CDH9: variants seen among roughly 807,000 people sequenced by gnomAD.
CDH9 encodes the protein cadherin-9.
A neutral mutation model predicts 70.9 loss-of-function variants in CDH9; 28 were observed. The observed-to-expected ratio is 0.40, with a 90% CI of 0.29 to 0.54. The LOEUF (loss-of-function observed/expected upper bound fraction) is 0.54, where lower values mean the gene tolerates loss of function less well. Ranked by LOEUF, CDH9 falls within the 20% of genes least tolerant of loss-of-function variation. CDH9 has a pLI of 0.59. For missense variants in CDH9, 874 were observed against 984.4 expected, an observed-to-expected ratio of 0.89 and a Z score of 1.50; for synonymous variants, 409 against 343.1, an observed-to-expected ratio of 1.19 and a Z score of -2.12.
chr5:26,915,929 A>C lies in CDH9; in HGVS notation c.229-5T>G. The C allele has an allele frequency of 6.3e-7, 1 of 1,576,398 alleles. No individual in the cohort carries two copies. The highest frequency in any genetic ancestry group is 8.6e-7 in the Non-Finnish European group (1 of 1,158,984). The stretch of plus-strand genomic sequence containing the variant: ...TTTATCTTGGTCAGTGTGAAGCTTT[A>C]GAGAGGTAGAAAAGAAGAGTTCTGT... On this transcript the variant is annotated splice_polypyrimidine_tract_variant and splice_region_variant and intron_variant, in intron 2 of 11. Transcript: ENST00000231021.
chr5:27,009,108 G>A (rs909611673), intron 1 of CDH9, among the ~76,000 whole-genome samples: 38 of 152,150 alleles, frequency 2.5e-4, no homozygotes, highest in Non-Finnish European at 4.7e-4. Context: ...TCTTTCTCCC[G>A]CAGAAAAATA....
intron 1 of CDH9, among the ~76,000 whole-genome samples, chr5:27,003,822 G>A (rs1002445823): frequency 6.6e-6 from 1 of 151,294 alleles, no homozygotes; most frequent in Non-Finnish European, 1.5e-5. Flanking sequence ...AAACATAGGA[G>A]GTATAAATTA....
chr5:26,986,985 A>C (rs1306377821), intron 2 of CDH9, among the ~76,000 whole-genome samples: 1 of 151,926 alleles, frequency 6.6e-6, no homozygotes, highest in Non-Finnish European at 1.5e-5. Flanking sequence ...ATTGGCCCAC[A>C]CACAGAAAGA....
At chr5:26,921,199 G>C (rs1741237663) in intron 2 of CDH9, among the ~76,000 whole-genome samples, 1 of 152,008 alleles carries the variant, frequency 6.6e-6, no homozygotes, top group Non-Finnish European at 1.5e-5. Flanking sequence ...ATGCATACCA[G>C]ATATGAGCAG....
intron 2 of CDH9, among the ~76,000 whole-genome samples, chr5:26,925,181 G>A (rs191199037): frequency 6.6e-5 from 10 of 152,166 alleles, no homozygotes; most frequent in Admixed American, 1.3e-4. Flanking sequence ...TTGTAAAAGC[G>A]TTCCTATTTC....
chr5:26,939,717 G>C (rs1421620329), intron 2 of CDH9, among the ~76,000 whole-genome samples: 4 of 151,902 alleles, frequency 2.6e-5, no homozygotes, highest in African/African-American at 9.7e-5. Flanking sequence ...ATACTTCTAA[G>C]TATATTTATG....
At chr5:27,025,772 C>T (rs1417688352) in intron 1 of CDH9, among the ~76,000 whole-genome samples, 1 of 151,964 alleles carries the variant, frequency 6.6e-6, no homozygotes, top group African/African-American at 2.4e-5. Flanking sequence ...TTCTCTCGTG[C>T]CTCCATGAAG....
At chr5:27,006,871 G>T (rs1289872038) in intron 1 of CDH9, among the ~76,000 whole-genome samples, 1 of 151,910 alleles carries the variant, frequency 6.6e-6, no homozygotes, top group Non-Finnish European at 1.5e-5. Context: ...ATTTTTCTTG[G>T]TGGACAGAAC....
chr5:26,932,000 C>A (rs74578957), intron 2 of CDH9, among the ~76,000 whole-genome samples: 16,859 of 152,082 alleles, frequency 0.11, 1,651 homozygotes, highest in East Asian at 0.5. Flanking sequence ...TAAATGTAAG[C>A]ATAGGCACAA....
At chr5:26,919,735 C>A (rs966650720) in intron 2 of CDH9, among the ~76,000 whole-genome samples, 3 of 151,982 alleles carry the variant, frequency 2.0e-5, no homozygotes, top group Non-Finnish European at 2.9e-5. Context: ...CCAGCTCAGT[C>A]ACAGTAGGAT....
chr5:26,977,634 G>GT (rs1271222572), intron 2 of CDH9, among the ~76,000 whole-genome samples: 4 of 151,848 alleles, frequency 2.6e-5, no homozygotes, highest in African/African-American at 7.3e-5. Context: ...AAAATATGAA[G>GT]TTTAAGAATT....
chr5:26,950,265 A>G (rs1285507230), intron 2 of CDH9, among the ~76,000 whole-genome samples: 1 of 152,198 alleles, frequency 6.6e-6, no homozygotes, highest in Non-Finnish European at 1.5e-5. Context: ...TGAATTTCAT[A>G]ATTCACAGAA....
rs756074717 is a variant in CDH9, at chr5:27,023,400, CTGTT to C, written c.-50+15059_-50+15062del. Among the ~76,000 whole-genome samples, 23 of 152,160 alleles carry C rather than the reference CTGTT, an allele frequency of 1.5e-4. No individual in the cohort carries two copies. In the Middle Eastern group the frequency reaches 0.014, roughly 90 times the overall value. ...TGAATTCAATGGTACTCATTTTTCT[CTGTT>C]TGTTACTTATGCTTAATACAATGCC... On this transcript the variant is annotated intron_variant, in intron 1 of 11. Coordinates refer to ENST00000231021, the MANE Select transcript of CDH9 (RefSeq NM_016279.4).
intron 2 of CDH9, among the ~76,000 whole-genome samples, chr5:26,953,054 C>CTGCTGTAGTT (rs1741881633): frequency 6.6e-6 from 1 of 152,086 alleles, no homozygotes; most frequent in Non-Finnish European, 1.5e-5. Flanking sequence ...AGCACGCTGC[C>CTGCTGTAGTT]TGCTGTAGTT....
At chr5:27,005,116 G>T (rs1281106620) in intron 1 of CDH9, among the ~76,000 whole-genome samples, 2 of 152,038 alleles carry the variant, frequency 1.3e-5, no homozygotes, top group Admixed American at 1.3e-4. Context: ...TATAAAAAGA[G>T]AAATTATAAT....
chr5:26,919,057 G>A (rs1316203808), intron 2 of CDH9, among the ~76,000 whole-genome samples: 1 of 152,002 alleles, frequency 6.6e-6, no homozygotes, highest in Non-Finnish European at 1.5e-5. Flanking sequence ...TCCTCCCACA[G>A]GAACATCAGA....
chr5:26,942,294 C>T (rs771363558), intron 2 of CDH9, among the ~76,000 whole-genome samples: 4 of 152,176 alleles, frequency 2.6e-5, no homozygotes, highest in Admixed American at 1.3e-4. Flanking sequence ...TCAATTACTT[C>T]CCACTGGGTC....
chr5:27,023,738 A>G (rs1743177682), intron 1 of CDH9, among the ~76,000 whole-genome samples: 1 of 152,020 alleles, frequency 6.6e-6, no homozygotes, highest in African/African-American at 2.4e-5. Context: ...ATCTTGTAGG[A>G]TTAACATTTT....
At chr5:26,891,867 A>G (rs1486719419) in intron 7 of CDH9, among the ~76,000 whole-genome samples, 2 of 152,196 alleles carry the variant, frequency 1.3e-5, no homozygotes, top group African/African-American at 4.8e-5. Context: ...TCTAAAAACT[A>G]GGAATGGTCC....
Sources: gnomAD v4.1 joint callset for allele counts (sites outside exome capture counted in the v4.1 genomes callset) on GRCh38, gnomAD v4.1.1 for gene constraint, MANE v1.5 for transcripts, NCBI Gene and HGNC (gene_info 2026-07-23, HGNC 2026-07-21) for gene names.